The following STX12 variants were observed in gnomAD, a reference collection of about 807,000 sequenced individuals.
STX12 encodes the protein syntaxin-12.
Under a neutral mutation model 42.2 loss-of-function variants are expected in STX12, and 17 were observed. The ratio of observed to expected loss-of-function variants is 0.40; its 90% CI spans 0.28 to 0.60. STX12 has a LOEUF of 0.60. Ranked by LOEUF, STX12 falls within the 20% of genes least tolerant of loss-of-function variation. The pLI is 0.39. For synonymous variants in STX12, 108 were observed against 116.7 expected (o/e 0.93, Z 0.48); for missense variants, 297 against 330.9 (o/e 0.90, Z 0.79).
At chr1:27,778,792 ACTC>A (rs2088644659) in intron 1 of STX12, among the ~76,000 whole-genome samples, 2 of 151,962 alleles carry the variant, frequency 1.3e-5, no homozygotes, top group African/African-American at 4.8e-5. Context: ...TGGAGGTCTC[ACTC>A]TGTCACCCAG....
intron 4 of STX12, among the ~76,000 whole-genome samples, chr1:27,803,482 G>A (rs2088839500): frequency 6.6e-6 from 1 of 152,084 alleles, no homozygotes; most frequent in African/African-American, 2.4e-5. Flanking sequence ...TCAGAATGAG[G>A]GCTAATTAAA....
At chr1:27,787,658 C>G (rs1161556443) in intron 1 of STX12, among the ~76,000 whole-genome samples, 1 of 137,340 alleles carries the variant, frequency 7.3e-6, no homozygotes, top group South Asian at 2.3e-4. Flanking sequence ...GACTCTGTAT[C>G]AAAAAAAAAA....
chr1:27,816,657 T>C (rs12095724), intron 6 of STX12, among the ~76,000 whole-genome samples: 26,072 of 147,646 alleles, frequency 0.18, 5,931 homozygotes, highest in African/African-American at 0.53. Flanking sequence ...CAGTGACTCA[T>C]GCCTGTAATC....
At chr1:27,798,464 G>A (rs1303980028) in intron 3 of STX12, among the ~76,000 whole-genome samples, 1 of 151,792 alleles carries the variant, frequency 6.6e-6, no homozygotes, top group Non-Finnish European at 1.5e-5. Flanking sequence ...GACCAACATG[G>A]CAAAACCCCA....
intron 6 of STX12, among the ~76,000 whole-genome samples, chr1:27,814,385 C>A (rs958580505): frequency 6.6e-6 from 1 of 151,108 alleles, no homozygotes; most frequent in African/African-American, 2.4e-5. Flanking sequence ...AAAAATTAAC[C>A]GGGTGCTGTA....
In STX12 at chr1:27,819,686, A is replaced by C; in HGVS notation, c.686A>C (p.His229Pro). 2 of 1,613,994 alleles carry C rather than the reference A, an allele frequency of 1.2e-6. No individual in the cohort carries two copies. Among genetic ancestry groups the C allele is most frequent in the Non-Finnish European group, 1.7e-6 (2 of 1,179,908 alleles). The part of the protein sequence containing the change: ...IEANVESSEV[H>P]VERATEQLQR... ...GCCAATGTGGAAAGCTCAGAGGTGC[A>C]CGTCGAAAGAGCCACTGAACAGTTA... is the stretch of plus-strand genomic sequence containing the variant. The change falls in exon 8 of 9, where the codon CAC becomes CCC. Residue 229 changes from histidine (H) to proline (P), a missense_variant. Transcript: ENST00000373943.
At chr1:27,815,624 A>G (rs2088936080) in intron 6 of STX12, among the ~76,000 whole-genome samples, 1 of 152,210 alleles carries the variant, frequency 6.6e-6, no homozygotes, top group Non-Finnish European at 1.5e-5. Flanking sequence ...CTGTATTCAC[A>G]GCAACTAGCA....
At chr1:27,796,270 T>C (rs527792632) in intron 3 of STX12, among the ~76,000 whole-genome samples, 1 of 152,202 alleles carries the variant, frequency 6.6e-6, no homozygotes, top group Non-Finnish European at 1.5e-5. Context: ...CCATCACCCG[T>C]CTTTTCATTA....
chr1:27,795,295 G>A (rs2088776452), intron 3 of STX12, among the ~76,000 whole-genome samples: 1 of 151,688 alleles, frequency 6.6e-6, no homozygotes, highest in Non-Finnish European at 1.5e-5. Flanking sequence ...GATGGATCAT[G>A]ATGTCAAATT....
chr1:27,802,967 A>G (rs1239620354), intron 4 of STX12, among the ~76,000 whole-genome samples: 1 of 152,230 alleles, frequency 6.6e-6, no homozygotes, highest in Non-Finnish European at 1.5e-5. Context: ...ATAGAAATTT[A>G]AAAACTTAGT....
rs1410656632 is a variant in STX12, at chr1:27,792,182, GTATC to G, written c.189-1347_189-1344del. Among the ~76,000 whole-genome samples the G allele has an allele frequency of 3.6e-3, 384 of 105,990 alleles. 42 individuals are homozygous for G. Among genetic ancestry groups the G allele is most frequent in the African/African-American group, 0.021 (315 of 15,068 alleles). 69.5% of individuals were successfully genotyped at this position (105,990 alleles called of 152,430 possible). The stretch of plus-strand genomic sequence containing the variant: ...TCTATATATGTATATACATATATAT[GTATC>G]TATATATGTATATACATATATATGT... On this transcript the variant is annotated intron_variant, in intron 2 of 8. Transcript: ENST00000373943.
At chr1:27,803,032 TA>T (rs2148603893) in intron 4 of STX12, among the ~76,000 whole-genome samples, 1 of 152,220 alleles carries the variant, frequency 6.6e-6, no homozygotes, top group South Asian at 2.1e-4. Flanking sequence ...GCATGTAGCA[TA>T]GGGGGTTAAG....
chr1:27,821,631 A>G (rs899861322), intron 8 of STX12, among the ~76,000 whole-genome samples: 2 of 152,324 alleles, frequency 1.3e-5, no homozygotes, highest in Middle Eastern at 3.4e-3. Flanking sequence ...CACATGCACA[A>G]ATAACTTATT....
chr1:27,775,116 G>C (rs1419381196), intron 1 of STX12, among the ~76,000 whole-genome samples: 1 of 152,042 alleles, frequency 6.6e-6, no homozygotes, highest in Non-Finnish European at 1.5e-5. Flanking sequence ...CTAGTTCAAG[G>C]CTGAAATTTT....
chr1:27,804,613 C>A (rs964959862), intron 4 of STX12, among the ~76,000 whole-genome samples: 1 of 151,930 alleles, frequency 6.6e-6, no homozygotes, highest in African/African-American at 2.4e-5. Context: ...AGTTCAAGAC[C>A]AGCCTGGCCA....
intron 2 of STX12, 76 bp downstream of exon 2, chr1:27,789,707 A>AG: frequency 8.8e-7 from 1 of 1,134,716 alleles, no homozygotes; most frequent in Non-Finnish European, 1.3e-6. Flanking sequence ...ACAGCAGCTT[A>AG]GGTTTCAGGT....
intron 3 of STX12, among the ~76,000 whole-genome samples, chr1:27,796,061 A>G (rs2088783712): frequency 6.6e-6 from 1 of 152,190 alleles, no homozygotes. Flanking sequence ...TTCATCAAAC[A>G]TCTTCTAAAA....
intron 1 of STX12, among the ~76,000 whole-genome samples, chr1:27,780,788 C>T (rs576826162): frequency 8.6e-5 from 13 of 151,890 alleles, no homozygotes; most frequent in African/African-American, 2.9e-4. Context: ...CCTGGCTCTA[C>T]CAAAAATACA....
intron 6 of STX12, 46 bp downstream of exon 6, chr1:27,812,314 G>T: frequency 7.3e-7 from 1 of 1,364,192 alleles, no homozygotes. Flanking sequence ...GTGTCTGCAG[G>T]TATCTGAACT....
Sources: allele counts gnomAD v4.1 joint callset (sites outside exome capture counted in the v4.1 genomes callset), GRCh38; gene constraint gnomAD v4.1.1; transcripts MANE v1.5; gene names NCBI Gene and HGNC (gene_info 2026-07-23, HGNC 2026-07-21).